The following SYNCRIP variants were observed in gnomAD, a reference collection of about 807,000 sequenced individuals.
SYNCRIP encodes the protein heterogeneous nuclear ribonucleoprotein Q.
In SYNCRIP, 9 loss-of-function variants were observed where a neutral mutation model predicts 68.9. The observed-to-expected ratio is 0.13, with a 90% confidence interval of 0.08 to 0.23. The LOEUF is 0.23. Ranked by LOEUF, SYNCRIP falls within the 10% of genes least tolerant of loss-of-function variation. SYNCRIP has a pLI of 1.00. For missense variants in SYNCRIP, 414 were observed against 770.6 expected (o/e 0.54, Z 5.48); for synonymous variants, 258 against 254.0 (o/e 1.02, Z -0.15).
chr6:85,641,977 G>A (rs1290415396), intron 1 of SYNCRIP, among the ~76,000 whole-genome samples: 2 of 152,038 alleles, frequency 1.3e-5, no homozygotes, highest in Non-Finnish European at 2.9e-5. Flanking sequence ...CGCACCCAGA[G>A]CGGCAGTCTC....
chr6:85,613,479 C>A (rs1805422007), downstream of SYNCRIP, among the ~76,000 whole-genome samples: 1 of 152,138 alleles, frequency 6.6e-6, no homozygotes, highest in Non-Finnish European at 1.5e-5. Flanking sequence ...AACCTTTTCA[C>A]TGTTGACCTA....
intron 8 of SYNCRIP, among the ~76,000 whole-genome samples, chr6:85,620,229 C>A (rs921649996): frequency 1.3e-5 from 2 of 152,100 alleles, no homozygotes; most frequent in African/African-American, 4.8e-5. Flanking sequence ...CTGGGTAACA[C>A]AGCGAGACTC....
chr6:85,639,280 CA>C (rs1188820257), intron 4 of SYNCRIP, among the ~76,000 whole-genome samples: 1 of 152,112 alleles, frequency 6.6e-6, no homozygotes, highest in Non-Finnish European at 1.5e-5. Flanking sequence ...CTAAAAGTCA[CA>C]AACTAAAAGT....
chr6:85,642,266 C>A (rs993352124), intron 1 of SYNCRIP, among the ~76,000 whole-genome samples: 6 of 152,140 alleles, frequency 3.9e-5, no homozygotes, highest in Non-Finnish European at 7.4e-5. Context: ...CTGGCGCTCC[C>A]CGGGCGCCGA....
chr6:85,638,065 T>C (rs1389207478), intron 4 of SYNCRIP, among the ~76,000 whole-genome samples: 1 of 152,108 alleles, frequency 6.6e-6, no homozygotes, highest in Non-Finnish European at 1.5e-5. Flanking sequence ...TATTCCTTAT[T>C]CTAGGCAAAG....
intron 4 of SYNCRIP, among the ~76,000 whole-genome samples, chr6:85,638,364 G>C (rs976169497): frequency 1.9e-5 from 2 of 103,536 alleles, no homozygotes; most frequent in Non-Finnish European, 3.5e-5. Flanking sequence ...CTGGATGACA[G>C]AGCAAGACCC....
At chr6:85,640,935 G>C (rs1287171379) in intron 2 of SYNCRIP, among the ~76,000 whole-genome samples, 1 of 152,048 alleles carries the variant, frequency 6.6e-6, no homozygotes, top group African/African-American at 2.4e-5. Context: ...GTTAACAGCC[G>C]CACCAGAAAG....
chr6:85,615,226 C>A lies in SYNCRIP; in HGVS notation c.1402G>T (p.Asp468Tyr), dbSNP rs752902646. 1 of 1,609,148 alleles carries A rather than the reference C, an allele frequency of 6.2e-7. No homozygotes were observed. Among genetic ancestry groups the A allele is most frequent in the Middle Eastern group, 1.8e-4 (1 of 5,462 alleles). Residue 468 changes from aspartate (D) to tyrosine (Y), a missense_variant, in exon 11 of 11, where the codon GAT (aspartate) becomes TAT (tyrosine). Asp to Tyr is a radical substitution (Grantham distance 160). Transcript: ENST00000369622. ...PDYYGYEDYY[D>Y]YYGYDYHNYR... is the part of the protein sequence containing the mutation. ...TTATGGTAATCATAACCATAATAAT[C>A]ATAATAATCTTCATATCCATAATAA...
rs760252625 is a variant in SYNCRIP, at chr6:85,636,972, T to G, written c.661A>C (p.Lys221Gln). The G allele has an allele frequency of 6.3e-7, 1 of 1,594,970 alleles. No homozygotes were observed. Among genetic ancestry groups the G allele is most frequent in the Admixed American group, 1.8e-5 (1 of 54,944 alleles). ...CTKEAAQEAVKLYNNHEIRSG... is the reference protein window; with the variant it reads ...CTKEAAQEAVQLYNNHEIRSG... ...GGGAAAAAAGGACAACTTACCAGTT[T>G]AACAGCCTCCTGAGCTGCTTCTTTT... Residue 221 changes from lysine to glutamine, a missense_variant, in exon 6 of 11, where the codon AAA becomes CAA. Physicochemically the swap from Lys to Gln is moderately conservative, Grantham distance 53. Transcript: ENST00000369622.
downstream of SYNCRIP, chr6:85,607,812 C>G (rs1342545599): frequency 6.6e-6 from 1 of 152,056 alleles, no homozygotes; most frequent in Non-Finnish European, 1.5e-5. Flanking sequence ...ATTAGGACTT[C>G]TCCCACACTC....
chr6:85,631,925 G>C (rs1807843711), intron 6 of SYNCRIP, among the ~76,000 whole-genome samples: 1 of 152,202 alleles, frequency 6.6e-6, no homozygotes, highest in Admixed American at 6.5e-5. Flanking sequence ...CCCTTAACAA[G>C]CACTCAAGTA....
In SYNCRIP at chr6:85,614,352, C is replaced by A; in HGVS notation, c.*404G>T. 1 of 989,390 alleles carries A rather than the reference C, an allele frequency of 1.0e-6. No homozygotes were observed. The allele number at this position is 989,390 out of a possible 1,614,324, so 61.3% of individuals were successfully genotyped here. ...TGTGTATCAATTTACCTTATTCTAG[C>A]AATTTAAGTTGGTAACATACAAAGT... On this transcript the variant is annotated 3_prime_UTR_variant, in exon 11 of 11. Transcript: ENST00000369622.
chr6:85,626,044 A>ATT (rs928671790), intron 6 of SYNCRIP, among the ~76,000 whole-genome samples: 1 of 152,214 alleles, frequency 6.6e-6, no homozygotes, highest in Admixed American at 6.5e-5. Flanking sequence ...AGCAGTGCTG[A>ATT]GGTTAAAAAC....
intron 2 of SYNCRIP, 77 bp from the exon 3 acceptor site, chr6:85,640,641 G>A (rs536229203): frequency 1.0e-5 from 8 of 790,254 alleles, no homozygotes; most frequent in East Asian, 5.5e-5. Context: ...GGCAATACAG[G>A]TACATGTGTG....
At chr6:85,640,396 G>T (rs1473547937) in intron 3 of SYNCRIP, 50 bp downstream of exon 3, 2 of 1,569,632 alleles carry the variant, frequency 1.3e-6, no homozygotes, top group African/African-American at 2.7e-5. Context: ...TCAGCAGATA[G>T]TATCAAAACT....
At position 85,623,579 on chromosome 6, in the gene SYNCRIP, A is replaced by AAAAAACAAAAAAAAC. The variant is rs1554184894; in HGVS notation, c.802+397_802+398insGTTTTTTTTGTTTTT. ...ACTGTCTCCAAAAAAAAAAAAAAAA[A>AAAAAACAAAAAAAAC]AAAACACTCTGCTACGGCAATACTT... On this transcript the variant is annotated intron_variant, in intron 7 of 10. Coordinates refer to ENST00000369622, the MANE Select transcript of SYNCRIP (RefSeq NM_006372.5). 1.6e-5 allele frequency among the ~76,000 whole-genome samples: 2 copies of AAAAAACAAAAAAAAC among 125,758 alleles called. 1 individual carries two copies. Among genetic ancestry groups the AAAAAACAAAAAAAAC allele is most frequent in the African/African-American group, 5.2e-5 (2 of 38,364 alleles). The allele number at this position is 125,758 out of a possible 152,430, so 82.5% of individuals were successfully genotyped here.
chr6:85,625,376 CA>C (rs1806916659), intron 6 of SYNCRIP, among the ~76,000 whole-genome samples: 1 of 151,134 alleles, frequency 6.6e-6, no homozygotes, highest in Non-Finnish European at 1.5e-5. Context: ...CTTAAACATA[CA>C]GGGTTTTTTT....
intron 8 of SYNCRIP, 71 bp downstream of exon 8, chr6:85,622,411 T>TC (rs972516706): frequency 1.0e-5 from 14 of 1,359,164 alleles, no homozygotes; most frequent in South Asian, 4.7e-5. Context: ...CATTTTATGT[T>TC]CCCCCCACCC....
At position 85,615,073 on chromosome 6, in the gene SYNCRIP, C is replaced by G; in HGVS notation, c.1555G>C (p.Gly519Arg). ...SRGRGAAPPRGRAGYSQRGGP... is the reference protein window; with the variant it reads ...SRGRGAAPPRRRAGYSQRGGP... ...CCTCTCTGTGAATAACCGGCTCTAC[C>G]GCGGGGAGGAGCAGCCCCACGACCT... The change falls in exon 11 of 11, where the codon GGT (glycine) becomes CGT (arginine). Residue 519 changes from glycine to arginine, a missense_variant. Physicochemically the swap from Gly to Arg is moderately radical, Grantham distance 125. Transcript: ENST00000369622. 6.2e-7 allele frequency: 1 copy of G among 1,614,132 alleles called. No individual in the cohort carries two copies. Among genetic ancestry groups the G allele is most frequent in the Non-Finnish European group, 8.5e-7 (1 of 1,180,022 alleles).
Sources: allele counts gnomAD v4.1 joint callset (sites outside exome capture counted in the v4.1 genomes callset), GRCh38; gene constraint gnomAD v4.1.1; transcripts MANE v1.5; gene names NCBI Gene and HGNC (gene_info 2026-07-23, HGNC 2026-07-21).